The following SPOPL variants were observed in gnomAD, a reference collection of about 807,000 sequenced individuals.
SPOPL encodes speckle-type POZ protein-like.
Under a neutral mutation model 53.8 loss-of-function variants are expected in SPOPL, and 23 were observed. The observed-to-expected ratio is 0.43, with a 90% CI of 0.31 to 0.61. SPOPL has a LOEUF of 0.61. SPOPL is among the 20% of genes least tolerant of loss of function. The pLI, the probability that SPOPL is intolerant of heterozygous loss-of-function variation, is 0.12. For missense variants in SPOPL, 442 were observed against 466.9 expected (o/e 0.95, Z 0.49); for synonymous variants, 164 against 149.7 (o/e 1.10, Z -0.70).
At chr2:138,522,502 A>G (rs986421863) in intron 1 of SPOPL, among the ~76,000 whole-genome samples, 3 of 152,074 alleles carry the variant, frequency 2.0e-5, no homozygotes. Flanking sequence ...AACGCCAGTT[A>G]CTTCAGTGTA....
intron 1 of SPOPL, among the ~76,000 whole-genome samples, chr2:138,542,421 G>C (rs1451687761): frequency 6.6e-6 from 1 of 152,216 alleles, no homozygotes; most frequent in Non-Finnish European, 1.5e-5. Context: ...GGGTGCTCCT[G>C]TATTGGGTGC....
intron 2 of SPOPL, 86 bp from the exon 3 acceptor site, chr2:138,550,397 G>A: frequency 6.3e-7 from 1 of 1,582,868 alleles, no homozygotes; most frequent in South Asian, 1.1e-5. Flanking sequence ...AGAAGTGTTA[G>A]AAGACTGGAT....
chr2:138,555,722 A>C (rs1403068903), intron 5 of SPOPL, among the ~76,000 whole-genome samples: 1 of 152,140 alleles, frequency 6.6e-6, no homozygotes, highest in South Asian at 2.1e-4. Flanking sequence ...AAGAGACCCA[A>C]ATTTTTCAGG....
chr2:138,538,882 A>T lies in SPOPL; in HGVS notation c.-60-11275A>T, dbSNP rs111962827. On this transcript the variant is annotated intron_variant, in intron 1 of 10. Transcript: ENST00000280098. ...CATTTAACATTAGGAATATCTCCTA[A>T]TACTATCCCTCCCCACTCTCCCCAC... Among the ~76,000 whole-genome samples the T allele has an allele frequency of 6.3e-3, 964 of 152,190 alleles. 5 individuals are homozygous for T. Among genetic ancestry groups the T allele is most frequent in the African/African-American group, 0.022 (922 of 41,512 alleles).
intron 10 of SPOPL, among the ~76,000 whole-genome samples, chr2:138,567,372 A>AGTGTATGT (rs1685683797): frequency 2.7e-5 from 3 of 112,972 alleles, no homozygotes; most frequent in Non-Finnish European, 5.5e-5. Context: ...AGAGCAGTAT[A>AGTGTATGT]GTGTGTGTGT....
chr2:138,533,279 G>T (rs1443670504), intron 1 of SPOPL, among the ~76,000 whole-genome samples: 1 of 152,092 alleles, frequency 6.6e-6, no homozygotes, highest in Admixed American at 6.5e-5. Context: ...GCTATTGTTT[G>T]TGGTCTTTCT....
chr2:138,558,192 A>T (rs1044600802), intron 5 of SPOPL, among the ~76,000 whole-genome samples: 35 of 152,286 alleles, frequency 2.3e-4, no homozygotes, highest in Non-Finnish European at 4.6e-4. Context: ...AAATTTTTTT[A>T]AAAAGTGGTG....
At chr2:138,555,320 G>A (rs1018598628) in intron 5 of SPOPL, among the ~76,000 whole-genome samples, 3 of 152,080 alleles carry the variant, frequency 2.0e-5, no homozygotes, top group Admixed American at 6.5e-5. Context: ...TATGATCTTT[G>A]TGAAATACAT....
chr2:138,529,471 G>A (rs1172250762), intron 1 of SPOPL, among the ~76,000 whole-genome samples: 1 of 149,136 alleles, frequency 6.7e-6, no homozygotes, highest in Admixed American at 6.7e-5. Flanking sequence ...TGTTTGTGTA[G>A]GTATGTGTGT....
chr2:138,539,056 A>C (rs1685003558), intron 1 of SPOPL, among the ~76,000 whole-genome samples: 1 of 152,114 alleles, frequency 6.6e-6, no homozygotes, highest in South Asian at 2.1e-4. Context: ...AGCTTCATCC[A>C]TGTCCCTACA....
chr2:138,557,048 C>A (rs369800216), intron 5 of SPOPL, among the ~76,000 whole-genome samples: 28 of 151,818 alleles, frequency 1.8e-4, no homozygotes, highest in Admixed American at 1.3e-3. Flanking sequence ...CCCAGCTACT[C>A]GGGAGGCTGA....
chr2:138,564,579 C>A, intron 8 of SPOPL, 129 bp from the exon 9 acceptor site: 1 of 1,093,516 alleles, frequency 9.1e-7, no homozygotes. Context: ...AAAACAGTAA[C>A]TTAAAGAATT....
intron 1 of SPOPL, among the ~76,000 whole-genome samples, chr2:138,542,140 G>A (rs1685085814): frequency 6.6e-6 from 1 of 152,162 alleles, no homozygotes; most frequent in Non-Finnish European, 1.5e-5. Flanking sequence ...ATGCTGAAGA[G>A]TGCTTTACTT....
rs184966478 is a variant in SPOPL, at chr2:138,530,368, A to T, written c.-60-19789A>T. Among the ~76,000 whole-genome samples, 5 of 152,252 alleles carry T rather than the reference A, an allele frequency of 3.3e-5. No homozygotes were observed. The East Asian group carries it at 9.7e-4, about 29-fold the overall frequency. ...ACCCAGTAATGGGATTGCTGGGTCG[A>T]ATGGTAGTTATGTTTTTAGGTCTTT... On this transcript the variant is annotated intron_variant, in intron 1 of 10. Transcript: ENST00000280098.
intron 5 of SPOPL, 26 bp from the exon 6 acceptor site, chr2:138,558,996 T>TTTTC (rs772872718): frequency 6.5e-7 from 1 of 1,543,542 alleles, no homozygotes; most frequent in Non-Finnish European, 8.7e-7. Flanking sequence ...GTGAAAGTGT[T>TTTTC]TTTCTTGCTG....
At chr2:138,537,954 TG>T (rs1684973397) in intron 1 of SPOPL, among the ~76,000 whole-genome samples, 1 of 152,302 alleles carries the variant, frequency 6.6e-6, no homozygotes, top group East Asian at 1.9e-4. Flanking sequence ...CTGCTGGTTA[TG>T]GGGGTCTGTT....
intron 1 of SPOPL, among the ~76,000 whole-genome samples, chr2:138,514,063 A>G (rs976960276): frequency 1.3e-5 from 2 of 152,160 alleles, no homozygotes; most frequent in Non-Finnish European, 2.9e-5. Context: ...CTTACCTTAA[A>G]CATACATATA....
At chr2:138,525,180 A>C (rs1178592378) in intron 1 of SPOPL, among the ~76,000 whole-genome samples, 2 of 152,210 alleles carry the variant, frequency 1.3e-5, no homozygotes, top group Non-Finnish European at 2.9e-5. Flanking sequence ...AGAAGGCAAA[A>C]GGCATGTCTC....
intron 1 of SPOPL, among the ~76,000 whole-genome samples, chr2:138,527,494 A>G (rs1053252423): frequency 1.3e-4 from 20 of 152,288 alleles, no homozygotes; most frequent in African/African-American, 4.6e-4. Context: ...TTTATCTTGC[A>G]CATTAAACTT....
Sources: gnomAD v4.1 joint callset for allele counts (sites outside exome capture counted in the v4.1 genomes callset) on GRCh38, gnomAD v4.1.1 for gene constraint, MANE v1.5 for transcripts, NCBI Gene and HGNC (gene_info 2026-07-23, HGNC 2026-07-21) for gene names.